The following UNC5C variants were observed in gnomAD, a reference collection of about 807,000 sequenced individuals.
The protein encoded by UNC5C is unc-5 netrin receptor C.
UNC5C carries 47 observed loss-of-function variants against 99.8 expected under a neutral mutation model. The observed-to-expected ratio is 0.47, with a 90% CI of 0.37 to 0.60. The LOEUF (loss-of-function observed/expected upper bound fraction) is 0.60, where lower values mean the gene tolerates loss of function less well. UNC5C is among the 20% of genes least tolerant of loss of function. UNC5C has a pLI of 0.00. For synonymous variants in UNC5C, 487 were observed against 452.2 expected (o/e 1.08, Z -0.98); for missense variants, 1,062 against 1,165.9 (o/e 0.91, Z 1.30).
intron 4 of UNC5C, among the ~76,000 whole-genome samples, chr4:95,269,722 TTTTA>T (rs1740585916): frequency 6.6e-6 from 1 of 152,038 alleles, no homozygotes; most frequent in Non-Finnish European, 1.5e-5. Flanking sequence ...TTTTTTTTTT[TTTTA>T]AATGAGACCG....
chr4:95,525,714 C>T (rs991404875), intron 1 of UNC5C, among the ~76,000 whole-genome samples: 6 of 149,172 alleles, frequency 4.0e-5, no homozygotes, highest in African/African-American at 1.5e-4. Flanking sequence ...TCAAGGTTTT[C>T]TCTGTTTTGT....
At position 95,238,719 on chromosome 4, in the gene UNC5C, A is replaced by C. The variant is rs574474540; in HGVS notation, c.1108+3710T>G. ...CTCCATTAGTTTTATTCTCTCTTTT[A>C]CATATTCACTTATGTATTAACAAAA... On this transcript the variant is annotated intron_variant, in intron 7 of 15. Coordinates refer to ENST00000453304, the MANE Select transcript of UNC5C (RefSeq NM_003728.4). 9.2e-5 allele frequency among the ~76,000 whole-genome samples: 14 copies of C among 152,190 alleles called. No homozygotes were observed. In the South Asian group the frequency reaches 2.5e-3, roughly 27 times the overall value.
chr4:95,456,143 T>G (rs1472520339), intron 1 of UNC5C, among the ~76,000 whole-genome samples: 1 of 152,002 alleles, frequency 6.6e-6, no homozygotes, highest in Non-Finnish European at 1.5e-5. Context: ...ATCTTTCGTG[T>G]GTATAATGGT....
chr4:95,466,277 C>A (rs1342032296), intron 1 of UNC5C, among the ~76,000 whole-genome samples: 1 of 152,070 alleles, frequency 6.6e-6, no homozygotes, highest in East Asian at 1.9e-4. Context: ...TACTGCCTTA[C>A]CCAAAATAGG....
intron 12 of UNC5C, among the ~76,000 whole-genome samples, chr4:95,187,109 A>T (rs1736862419): frequency 6.6e-6 from 1 of 152,226 alleles, no homozygotes; most frequent in African/African-American, 2.4e-5. Context: ...TATGTTGATC[A>T]TGTTTGGTGT....
chr4:95,284,693 T>C (rs570196436), intron 3 of UNC5C, among the ~76,000 whole-genome samples: 1 of 152,268 alleles, frequency 6.6e-6, no homozygotes, highest in Non-Finnish European at 1.5e-5. Flanking sequence ...AGATGAAAAT[T>C]CAGGCCCTGA....
At chr4:95,250,384 C>T in intron 5 of UNC5C, 103 bp downstream of exon 5, 1 of 1,279,472 alleles carries the variant, frequency 7.8e-7, no homozygotes, top group South Asian at 1.5e-5. Flanking sequence ...GACCCTGTCT[C>T]AAATAATATG....
At chr4:95,396,011 T>C (rs889912479) in intron 1 of UNC5C, among the ~76,000 whole-genome samples, 28 of 152,356 alleles carry the variant, frequency 1.8e-4, no homozygotes, top group Admixed American at 3.3e-4. Flanking sequence ...TATGTTTCTA[T>C]GTATCAGCCT....
rs1057349819 is a variant in UNC5C at position 95,166,820 on chromosome 4, G to A, written c.*2414C>T. Reference sequence around the variant, plus strand: ...TTTTAAAAAATGTGTGTGTATAACTGCGTGTATATATATTTGATTTTTAAT... The same window carrying A: ...TTTTAAAAAATGTGTGTGTATAACTACGTGTATATATATTTGATTTTTAAT... On this transcript the variant is annotated 3_prime_UTR_variant, in exon 16 of 16. Transcript: ENST00000453304. The A allele has an allele frequency of 6.6e-6, 1 of 152,090 alleles. No individual in the cohort carries two copies. The highest frequency in any genetic ancestry group is 1.5e-5 in the Non-Finnish European group (1 of 68,032). The allele number at this position is 152,090 out of a possible 1,614,324, so 9.4% of individuals were successfully genotyped here. A position where few individuals can be genotyped will look rare whatever the true frequency, so the allele number is the denominator to read the frequency against.
Position 95,301,726 on chromosome 4 carries a change from T to C in UNC5C, c.370A>G (p.Ile124Val), listed in dbSNP as rs766126524. ...TCCACTTGCTGGCGCGAAATCTCAA[T>C]GCTCACTTCCCGGACAATGAGACCT... ...TSGLIVREVSIEISRQQVEEL... is the reference protein window; with the variant it reads ...TSGLIVREVSVEISRQQVEEL... Residue 124 changes from isoleucine to valine, a missense_variant, in exon 3 of 16, where the codon ATT (isoleucine) becomes GTT (valine). Transcript: ENST00000453304. The C allele has an allele frequency of 2.3e-5, 37 of 1,612,824 alleles. No homozygotes were observed. Among genetic ancestry groups the C allele is most frequent in the Middle Eastern group, 1.9e-4 (1 of 5,166 alleles).
At chr4:95,170,437 TG>T in intron 14 of UNC5C, 105 bp from the exon 15 acceptor site, 2 of 1,318,662 alleles carry the variant, frequency 1.5e-6, no homozygotes, top group Non-Finnish European at 2.1e-6. Flanking sequence ...AAGAAAAGAA[TG>T]AATGCTGTTA....
At chr4:95,507,400 C>T (rs570860156) in intron 1 of UNC5C, among the ~76,000 whole-genome samples, 20 of 152,182 alleles carry the variant, frequency 1.3e-4, no homozygotes, top group Non-Finnish European at 2.2e-4. Flanking sequence ...GATGGTTTAA[C>T]TGCCACCCCT....
At chr4:95,181,657 C>T (rs547210162) in intron 14 of UNC5C, among the ~76,000 whole-genome samples, 2 of 151,886 alleles carry the variant, frequency 1.3e-5, no homozygotes, top group South Asian at 2.1e-4. Flanking sequence ...CACCCTGACA[C>T]CGAGATCATT....
intron 14 of UNC5C, among the ~76,000 whole-genome samples, chr4:95,173,734 A>G (rs1213129595): frequency 4.6e-5 from 7 of 152,074 alleles, no homozygotes; most frequent in Admixed American, 1.3e-4. Context: ...AGCCTTTGGT[A>G]TCAGGATGAT....
intron 1 of UNC5C, among the ~76,000 whole-genome samples, chr4:95,523,604 A>G (rs922418359): frequency 6.6e-6 from 1 of 152,178 alleles, no homozygotes; most frequent in African/African-American, 2.4e-5. Flanking sequence ...TTAGAAATCA[A>G]TTTTCAAAAA....
intron 1 of UNC5C, among the ~76,000 whole-genome samples, chr4:95,337,619 A>C (rs879895372): frequency 6.6e-6 from 1 of 151,982 alleles, no homozygotes; most frequent in Non-Finnish European, 1.5e-5. Context: ...CAATATATTT[A>C]GAAAATGTAT....
At chr4:95,394,598 G>T (rs897752275) in intron 1 of UNC5C, among the ~76,000 whole-genome samples, 2 of 151,468 alleles carry the variant, frequency 1.3e-5, no homozygotes, top group African/African-American at 4.9e-5. Flanking sequence ...AAGCAAGAAA[G>T]GTGACAAAAT....
chr4:95,548,959 G>C lies in UNC5C; in HGVS notation c.-102C>G. On this transcript the variant is annotated 5_prime_UTR_variant, in exon 1 of 16. Transcript: ENST00000453304. ...AGCTGAATCCGTGCACCGCGAAGCA[G>C]TCCGAAGAAATAACGACAACCAAGC... 1 of 1,464,140 alleles carries C rather than the reference G, an allele frequency of 6.8e-7. No individual in the cohort carries two copies. Among genetic ancestry groups the C allele is most frequent in the Non-Finnish European group, 9.3e-7 (1 of 1,075,706 alleles). 90.7% of individuals were successfully genotyped at this position (1,464,140 alleles called of 1,614,324 possible).
intron 7 of UNC5C, among the ~76,000 whole-genome samples, chr4:95,223,170 C>T (rs1194709124): frequency 6.6e-6 from 1 of 152,102 alleles, no homozygotes; most frequent in African/African-American, 2.4e-5. Flanking sequence ...ATGTGCAACA[C>T]AAACTTTTTG....
Sources: gnomAD v4.1 joint callset for allele counts (sites outside exome capture counted in the v4.1 genomes callset) on GRCh38, gnomAD v4.1.1 for gene constraint, MANE v1.5 for transcripts, NCBI Gene and HGNC (gene_info 2026-07-23, HGNC 2026-07-21) for gene names.